The following GALNT13 variants were observed in gnomAD, a reference collection of about 807,000 sequenced individuals.
The protein encoded by GALNT13 is polypeptide N-acetylgalactosaminyltransferase 13, also known as UDP-GalNAc:polypeptide N-acetylgalactosaminyltransferase 13.
In GALNT13, 28 loss-of-function variants were observed where a neutral mutation model predicts 64.2. That is an observed-to-expected ratio of 0.44 (90% CI 0.32 to 0.60). GALNT13 has a LOEUF of 0.60. Among genes scored for constraint, GALNT13 ranks in the 20% least tolerant of loss-of-function variants. GALNT13 has a pLI of 0.05. For synonymous variants in GALNT13, 214 were observed against 224.6 expected (o/e 0.95, Z 0.42); for missense variants, 577 against 669.8 (o/e 0.86, Z 1.53).
the GALNT13 span, among the ~76,000 whole-genome samples, chr2:153,820,911 C>T: frequency 2.6e-5 from 4 of 151,888 alleles, no homozygotes; most frequent in African/African-American, 9.7e-5. Flanking sequence ...TTAAAATGCA[C>T]AAAGTAGTAG....
At chr2:154,255,580 A>G (rs893693629) in intron 7 of GALNT13, among the ~76,000 whole-genome samples, 7 of 152,166 alleles carry the variant, frequency 4.6e-5, no homozygotes, top group African/African-American at 9.7e-5. Context: ...CTAGACCACA[A>G]TGAGAGGAAA....
chr2:153,703,239 G>C, the GALNT13 span, among the ~76,000 whole-genome samples: 2 of 152,020 alleles, frequency 1.3e-5, no homozygotes, highest in African/African-American at 4.8e-5. Flanking sequence ...ATGCTTTACT[G>C]TCTTTGTTGT....
At chr2:153,299,927 A>G in the GALNT13 span, among the ~76,000 whole-genome samples, 1 of 152,182 alleles carries the variant, frequency 6.6e-6, no homozygotes, top group East Asian at 1.9e-4. Context: ...GCATTGCCTT[A>G]TCACCCACTA....
the GALNT13 span, among the ~76,000 whole-genome samples, chr2:153,213,661 G>A: frequency 0.83 from 126,199 of 152,098 alleles, 53,542 homozygotes; most frequent in African/African-American, 0.91. Flanking sequence ...ACAAATGGAC[G>A]CTCCAGTCCC....
At chr2:153,206,533 G>A in the GALNT13 span, among the ~76,000 whole-genome samples, 1 of 152,042 alleles carries the variant, frequency 6.6e-6, no homozygotes, top group Non-Finnish European at 1.5e-5. Flanking sequence ...GTAGGGCTGA[G>A]AAGCAAATTT....
chr2:154,196,357 A>C (rs2105768362), intron 4 of GALNT13, among the ~76,000 whole-genome samples: 1 of 152,314 alleles, frequency 6.6e-6, no homozygotes, highest in Non-Finnish European at 1.5e-5. Flanking sequence ...CATACAACAT[A>C]AAGAGTTCAA....
intron 3 of GALNT13, among the ~76,000 whole-genome samples, chr2:154,003,937 C>T (rs1384049949): frequency 6.6e-6 from 1 of 152,118 alleles, no homozygotes; most frequent in Non-Finnish European, 1.5e-5. Context: ...CCTGTACAGC[C>T]TGTAGAACCC....
chr2:153,241,168 C>T, the GALNT13 span, among the ~76,000 whole-genome samples: 1 of 147,810 alleles, frequency 6.8e-6, no homozygotes, highest in Non-Finnish European at 1.5e-5. Context: ...TCAGAAAACC[C>T]TCCTTATTTG....
At chr2:153,935,135 C>G (rs182667977) in intron 2 of GALNT13, among the ~76,000 whole-genome samples, 1 of 152,060 alleles carries the variant, frequency 6.6e-6, no homozygotes, top group Non-Finnish European at 1.5e-5. Context: ...CCCTGTGGTC[C>G]GGGACTCAGT....
the GALNT13 span, among the ~76,000 whole-genome samples, chr2:153,530,332 TA>T: frequency 6.6e-6 from 1 of 151,912 alleles, no homozygotes. Context: ...AAAATATCTA[TA>T]ATGAAAACTC....
At chr2:154,002,799 A>G (rs369302158) in intron 3 of GALNT13, among the ~76,000 whole-genome samples, 11 of 152,098 alleles carry the variant, frequency 7.2e-5, no homozygotes, top group African/African-American at 1.7e-4. Flanking sequence ...ACTTTTACCA[A>G]TTGTTACCAG....
chr2:153,107,992 C>T, the GALNT13 span, among the ~76,000 whole-genome samples: 1 of 152,142 alleles, frequency 6.6e-6, no homozygotes, highest in African/African-American at 2.4e-5. Context: ...ATTCTTGTGC[C>T]TCAGCCTCCC....
chr2:153,854,160 A>G, the GALNT13 span, among the ~76,000 whole-genome samples: 1 of 152,136 alleles, frequency 6.6e-6, no homozygotes, highest in African/African-American at 2.4e-5. Context: ...GTAACCACAT[A>G]CAAACTATTA....
the GALNT13 span, among the ~76,000 whole-genome samples, chr2:153,863,021 T>C: frequency 6.6e-6 from 1 of 152,126 alleles, no homozygotes; most frequent in South Asian, 2.1e-4. Context: ...TTTGGCCACA[T>C]AGGTGAATTT....
the GALNT13 span, among the ~76,000 whole-genome samples, chr2:153,116,138 T>C: frequency 6.6e-6 from 1 of 152,308 alleles, no homozygotes; most frequent in Non-Finnish European, 1.5e-5. Flanking sequence ...CCAATCTAAA[T>C]TGGGTTTTCT....
At chr2:153,173,950 A>T in the GALNT13 span, among the ~76,000 whole-genome samples, 2 of 152,246 alleles carry the variant, frequency 1.3e-5, no homozygotes, top group Non-Finnish European at 2.9e-5. Context: ...CCATTTCAAA[A>T]TAGAGAAATT....
the GALNT13 span, among the ~76,000 whole-genome samples, chr2:153,415,144 G>A: frequency 2.0e-5 from 3 of 152,118 alleles, no homozygotes; most frequent in Non-Finnish European, 2.9e-5. Flanking sequence ...TCCAGAAGAC[G>A]TCAGAAAGAC....
chr2:154,365,131 T>C (rs1245148713), intron 9 of GALNT13, among the ~76,000 whole-genome samples: 2 of 152,216 alleles, frequency 1.3e-5, no homozygotes, highest in Admixed American at 1.3e-4. Context: ...TTCTGTTCTT[T>C]TTTCTTTTCA....
At chr2:153,863,503 A>T in the GALNT13 span, among the ~76,000 whole-genome samples, 35 of 152,250 alleles carry the variant, frequency 2.3e-4, no homozygotes, top group Non-Finnish European at 3.1e-4. Context: ...ACACACTAGA[A>T]AATGCTGCAT....
Sources: allele counts gnomAD v4.1 joint callset (sites outside exome capture counted in the v4.1 genomes callset), GRCh38; gene constraint gnomAD v4.1.1; transcripts MANE v1.5; gene names NCBI Gene and HGNC (gene_info 2026-07-23, HGNC 2026-07-21).